RNF144A: variants seen among roughly 807,000 people sequenced by gnomAD.
RNF144A encodes the protein ring finger protein 144A, also known as E3 ubiquitin-protein ligase RNF144A.
RNF144A carries 11 observed loss-of-function variants against 38.7 expected under a neutral mutation model. The ratio of observed to expected loss-of-function variants is 0.28; its 90% CI spans 0.18 to 0.47. RNF144A has a LOEUF of 0.47. Ranked by LOEUF, RNF144A falls within the 20% of genes least tolerant of loss-of-function variation. RNF144A has a pLI of 0.99. For synonymous variants in RNF144A, 149 were observed against 143.9 expected, an observed-to-expected ratio of 1.04 and a Z score of -0.25; for missense variants, 316 against 377.2, an observed-to-expected ratio of 0.84 and a Z score of 1.34.
intron 6 of RNF144A, among the ~76,000 whole-genome samples, chr2:7,058,785 A>G (rs1219910386): frequency 1.3e-5 from 2 of 152,164 alleles, no homozygotes; most frequent in East Asian, 3.8e-4. Flanking sequence ...TTGACTCTAT[A>G]GGTTTCTTCT....
intron 2 of RNF144A, among the ~76,000 whole-genome samples, chr2:6,971,494 G>T (rs944236498): frequency 6.6e-5 from 10 of 152,226 alleles, no homozygotes; most frequent in Non-Finnish European, 1.5e-4. Flanking sequence ...GCATTTTGAG[G>T]TGGGGTCTGG....
At chr2:7,013,424 C>T (rs549760335) in intron 3 of RNF144A, among the ~76,000 whole-genome samples, 1 of 152,306 alleles carries the variant, frequency 6.6e-6, no homozygotes, top group South Asian at 2.1e-4. Context: ...GCTCAGCAAA[C>T]ATAGCTTATT....
chr2:7,042,260 G>A lies in RNF144A; in HGVS notation c.*2500G>A, dbSNP rs1043784826. 2.0e-6 allele frequency: 2 copies of A among 985,316 alleles called. No homozygotes were observed. The highest frequency in any genetic ancestry group is 1.7e-5 in the African/African-American group (1 of 57,228). 61.0% of individuals were successfully genotyped at this position (985,316 alleles called of 1,614,324 possible). On this transcript the variant is annotated 3_prime_UTR_variant, in exon 9 of 9. Transcript: ENST00000320892. ...CCCTGCTTGATGTAAAATGGAAATA[G>A]CACACAGGCAGATGGCCCTGGGTTT...
chr2:7,067,054 TCTTTG>T (rs895709703), intron 6 of RNF144A, among the ~76,000 whole-genome samples: 2 of 152,302 alleles, frequency 1.3e-5, no homozygotes, highest in African/African-American at 4.8e-5. Context: ...AGCAAATCAG[TCTTTG>T]CTTATTTTTG....
intron 1 of RNF144A, among the ~76,000 whole-genome samples, chr2:6,923,526 A>C (rs1233623556): frequency 6.6e-6 from 1 of 152,108 alleles, no homozygotes; most frequent in African/African-American, 2.4e-5. Context: ...CTCTCCCACC[A>C]TCCATGTGCC....
At chr2:6,978,279 G>A (rs958329061) in intron 2 of RNF144A, among the ~76,000 whole-genome samples, 105 of 152,298 alleles carry the variant, frequency 6.9e-4, no homozygotes, top group Admixed American at 1.2e-3. Flanking sequence ...TTTTGGTGCT[G>A]TAATTCTATA....
At chr2:7,039,586 G>T (rs1254220746) in intron 8 of RNF144A, 43 bp from the exon 9 acceptor site, 6 of 1,609,596 alleles carry the variant, frequency 3.7e-6, no homozygotes, top group African/African-American at 1.3e-5. Flanking sequence ...GGAACCTACA[G>T]ACCAGCCCTC....
At chr2:7,028,646 G>C (rs531091296) in intron 7 of RNF144A, among the ~76,000 whole-genome samples, 5 of 152,238 alleles carry the variant, frequency 3.3e-5, no homozygotes, top group Non-Finnish European at 5.9e-5. Context: ...CATACAAATG[G>C]AGAATGAGCT....
At chr2:6,956,489 A>C (rs1420747138) in intron 2 of RNF144A, among the ~76,000 whole-genome samples, 1 of 152,160 alleles carries the variant, frequency 6.6e-6, no homozygotes, top group Non-Finnish European at 1.5e-5. Flanking sequence ...CAGCCCTTTG[A>C]GTAGCAGGGC....
intron 3 of RNF144A, among the ~76,000 whole-genome samples, chr2:7,014,200 TG>T (rs1389324075): frequency 6.6e-6 from 1 of 152,264 alleles, no homozygotes; most frequent in Non-Finnish European, 1.5e-5. Flanking sequence ...GCTGAGGTTT[TG>T]TGCCGGGATC....
intron 1 of RNF144A, chr2:6,933,030 A>G (rs555907122): frequency 6.6e-6 from 1 of 152,392 alleles, no homozygotes; most frequent in South Asian, 2.1e-4. Flanking sequence ...GTAAAGTCAA[A>G]CAAACCACGC....
In RNF144A at chr2:7,020,658, A is replaced by T. The variant is rs778660806; in HGVS notation, c.487A>T (p.Thr163Ser). 6.2e-7 allele frequency: 1 copy of T among 1,604,970 alleles called. No individual in the cohort carries two copies. Among genetic ancestry groups the T allele is most frequent in the South Asian group, 1.1e-5 (1 of 91,078 alleles). The change falls in exon 6 of 9, where the codon ACC becomes TCC. Residue 163 changes from threonine to serine, a missense_variant. Transcript: ENST00000320892. ...GGGCTGCCCGGAGACCATGCCGATC[A>T]CCTTCCTCCCCGGGGAGACCAGGTA... Reference protein sequence around the residue: ...GQGCPETMPITFLPGETSAAF... With the variant: ...GQGCPETMPISFLPGETSAAF...
chr2:7,010,209 C>T (rs1479960875), intron 3 of RNF144A, among the ~76,000 whole-genome samples: 1 of 152,132 alleles, frequency 6.6e-6, no homozygotes, highest in Non-Finnish European at 1.5e-5. Flanking sequence ...CTCTATCTGC[C>T]AAGCTTATCC....
intron 2 of RNF144A, among the ~76,000 whole-genome samples, chr2:6,989,308 T>G (rs78890133): frequency 5.3e-5 from 8 of 151,944 alleles, no homozygotes; most frequent in Middle Eastern, 3.4e-3. Context: ...TCTGAGACCT[T>G]CCACTCCAAC....
At chr2:6,952,279 G>T (rs12477646) in intron 2 of RNF144A, among the ~76,000 whole-genome samples, 100,194 of 151,794 alleles carry the variant, frequency 0.66, 35,956 homozygotes, top group Non-Finnish European at 0.81. Flanking sequence ...CTGACACACA[G>T]CTGGATTCTA....
At chr2:6,998,715 T>G (rs114470381) in intron 3 of RNF144A, among the ~76,000 whole-genome samples, 292 of 152,324 alleles carry the variant, frequency 1.9e-3, no homozygotes, top group African/African-American at 6.7e-3. Flanking sequence ...GGAGGGAGAT[T>G]GATCTCCATC....
chr2:6,924,360 T>C (rs1009814124), intron 1 of RNF144A, among the ~76,000 whole-genome samples: 1 of 152,230 alleles, frequency 6.6e-6, no homozygotes, highest in Non-Finnish European at 1.5e-5. Context: ...TTGCCTGCGA[T>C]GTGAAGGGAG....
intron 2 of RNF144A, among the ~76,000 whole-genome samples, chr2:6,980,113 G>T (rs1377636724): frequency 6.6e-6 from 1 of 152,148 alleles, no homozygotes; most frequent in Non-Finnish European, 1.5e-5. Context: ...ACCTCCTACT[G>T]GGTCTGTTGT....
chr2:7,019,734 T>G (rs1177494304), intron 5 of RNF144A, among the ~76,000 whole-genome samples: 2 of 152,196 alleles, frequency 1.3e-5, no homozygotes, highest in African/African-American at 4.8e-5. Flanking sequence ...GAAATGCAAT[T>G]TTTGGACAAG....
Sources: gnomAD v4.1 joint callset for allele counts (sites outside exome capture counted in the v4.1 genomes callset) on GRCh38, gnomAD v4.1.1 for gene constraint, MANE v1.5 for transcripts, NCBI Gene and HGNC (gene_info 2026-07-23, HGNC 2026-07-21) for gene names.